Variants in LCP1 observed in about 807,000 individuals in gnomAD.
The protein encoded by LCP1 is plastin-2.
LCP1 carries 23 observed loss-of-function variants against 72.0 expected under a neutral mutation model. That is an observed-to-expected ratio of 0.32 (90% CI 0.23 to 0.45). The LOEUF (loss-of-function observed/expected upper bound fraction) is 0.45. Among genes scored for constraint, LCP1 ranks in the 20% least tolerant of loss-of-function variants. The pLI, the probability that LCP1 is intolerant of heterozygous loss-of-function variation, is 1.00. For missense variants in LCP1, 571 were observed against 748.3 expected (o/e 0.76, Z 2.76); for synonymous variants, 245 against 275.4 (o/e 0.89, Z 1.09).
In LCP1 at chr13:46,132,932, C is replaced by T. The variant is rs1048674113; in HGVS notation, c.1626+1195G>A. 5.9e-5 allele frequency among the ~76,000 whole-genome samples: 9 copies of T among 152,132 alleles called. No homozygotes were observed. The South Asian group carries it at 1.5e-3, about 25-fold the overall frequency. ...CCTCACCAACCCTGTTAATACAACT[C>T]GGAAGGTGTTCCTCCCCCTAATCCT... On this transcript the variant is annotated intron_variant, in intron 14 of 15. Transcript: ENST00000323076.
intron 13 of LCP1, among the ~76,000 whole-genome samples, chr13:46,134,464 G>C (rs760042341): frequency 9.2e-5 from 14 of 151,900 alleles, no homozygotes; most frequent in Non-Finnish European, 2.1e-4. Context: ...GAAATGTAAA[G>C]CAGATACCTC....
chr13:46,171,215 C>T (rs545980020), intron 1 of LCP1, among the ~76,000 whole-genome samples: 1 of 152,318 alleles, frequency 6.6e-6, no homozygotes, highest in South Asian at 2.1e-4. Flanking sequence ...TTTGAGGAAA[C>T]TGAGGTTTAA....
At position 46,126,534 on chromosome 13, in the gene LCP1, A is replaced by T. The variant is rs1031189269; in HGVS notation, c.*1057T>A. The T allele has an allele frequency of 2.2e-5, 5 of 232,290 alleles. No homozygotes were observed. The highest frequency in any genetic ancestry group is 3.4e-5 in the Non-Finnish European group (4 of 117,272). 14.4% of individuals were successfully genotyped at this position (232,290 alleles called of 1,614,324 possible). A position where few individuals can be genotyped will look rare whatever the true frequency, so the allele number is the denominator to read the frequency against. On this transcript the variant is annotated 3_prime_UTR_variant, in exon 16 of 16. Transcript: ENST00000323076. ...CCCCCCTGGAGTTTAGGGGTGGCAG[A>T]AAGCTTTTATAGTACCAAAAAAGTA...
intron 1 of LCP1, among the ~76,000 whole-genome samples, chr13:46,160,966 CCA>C (rs1429801479): frequency 6.6e-6 from 1 of 152,010 alleles, no homozygotes; most frequent in Non-Finnish European, 1.5e-5. Context: ...TTCTTGATGG[CCA>C]CCAACAACCA....
chr13:46,130,784 C>A (rs1480177270), intron 15 of LCP1, 30 bp downstream of exon 15: 1 of 1,612,074 alleles, frequency 6.2e-7, no homozygotes, highest in Non-Finnish European at 8.5e-7. Flanking sequence ...TCCTTCCCTC[C>A]CAATCTGAGG....
At position 46,134,195 on chromosome 13, in the gene LCP1, T is replaced by C. The variant is rs751587269; in HGVS notation, c.1558A>G (p.Ile520Val). 28 of 1,612,998 alleles carry C rather than the reference T, an allele frequency of 1.7e-5. No individual in the cohort carries two copies. Among genetic ancestry groups the C allele is most frequent in the Non-Finnish European group, 2.4e-5 (28 of 1,179,172 alleles). ...GTTTCATTCACCCAGTTGACAATAA[T>C]GTCATCATTGACCTTCTGGCCACCA... ...IGGGQKVNDDIIVNWVNETLR... is the reference protein window; with the variant it reads ...IGGGQKVNDDVIVNWVNETLR... Residue 520 changes from isoleucine (I) to valine (V), a missense_variant, in exon 14 of 16, where the codon ATT (isoleucine) becomes GTT (valine). Physicochemically the swap from Ile to Val is conservative, Grantham distance 29 (BLOSUM62 3). Transcript: ENST00000323076.
chr13:46,178,040 G>A (rs2138290254), intron 1 of LCP1, among the ~76,000 whole-genome samples: 1 of 151,772 alleles, frequency 6.6e-6, no homozygotes, highest in African/African-American at 2.4e-5. Context: ...TTTATTCCAG[G>A]AAGTTGCCTT....
At chr13:46,159,815 T>G (rs1283172372) in intron 1 of LCP1, 129 bp from the exon 2 acceptor site, 2 of 630,558 alleles carry the variant, frequency 3.2e-6, no homozygotes, top group Non-Finnish European at 5.6e-6. Flanking sequence ...TAGAACTATC[T>G]TTCCAAAATG....
At position 46,134,268 on chromosome 13, in the gene LCP1, T is replaced by C; in HGVS notation, c.1503-18A>G. ...GTGTATACCTGAACAAAATAAAGAATGCTTTCTGGAGAACAGTTGCTAAAG... is the reference window on the plus strand; with the variant it reads ...GTGTATACCTGAACAAAATAAAGAACGCTTTCTGGAGAACAGTTGCTAAAG... On this transcript the variant is annotated intron_variant, in intron 13 of 15. Transcript: ENST00000323076. 1.2e-6 allele frequency: 2 copies of C among 1,604,188 alleles called. No individual in the cohort carries two copies. Among genetic ancestry groups the C allele is most frequent in the Non-Finnish European group, 1.7e-6 (2 of 1,175,268 alleles).
intron 1 of LCP1, among the ~76,000 whole-genome samples, chr13:46,176,149 A>G (rs147188596): frequency 1.1e-4 from 16 of 152,362 alleles, no homozygotes; most frequent in Admixed American, 3.3e-4. Context: ...ATAGCACTAT[A>G]GGATAACTAT....
At chr13:46,155,301 C>T (rs1233664956) in intron 5 of LCP1, among the ~76,000 whole-genome samples, 5 of 152,162 alleles carry the variant, frequency 3.3e-5, no homozygotes, top group Admixed American at 1.3e-4. Flanking sequence ...TTCTATTTGA[C>T]ACAGGACCAA....
chr13:46,142,656 A>G, intron 12 of LCP1: 1 of 575,132 alleles, frequency 1.7e-6, no homozygotes, highest in South Asian at 1.7e-5. Context: ...ACTGAAATGA[A>G]TTCATTACTA....
Position 46,152,783 on chromosome 13 carries a change from C to T in LCP1, c.736G>A (p.Glu246Lys). ...LFADIELSRN[E>K]ALIALLREGE... Reference sequence around the variant, plus strand: ...GACCTTTGGGACTTGCTCTTACCTTCATTTCTGCTGAGTTCAATGTCAGCA... The same window carrying T: ...GACCTTTGGGACTTGCTCTTACCTTTATTTCTGCTGAGTTCAATGTCAGCA... Residue 246 changes from glutamate to lysine, a missense_variant, in exon 7 of 16, where the codon GAA becomes AAA. By Grantham distance (56) the Glu-to-Lys change is moderately conservative. Coordinates refer to ENST00000323076, the MANE Select transcript of LCP1 (RefSeq NM_002298.5). 1.2e-6 allele frequency: 2 copies of T among 1,613,204 alleles called. No individual in the cohort carries two copies. The highest frequency in any genetic ancestry group is 1.7e-6 in the Non-Finnish European group (2 of 1,179,768).
At chr13:46,167,138 G>A (rs2045880905) in intron 1 of LCP1, among the ~76,000 whole-genome samples, 1 of 152,122 alleles carries the variant, frequency 6.6e-6, no homozygotes, top group African/African-American at 2.4e-5. Flanking sequence ...CCACAGGGTG[G>A]AAGGTAGGGG....
At chr13:46,146,866 G>A (rs1006865973) in intron 10 of LCP1, 42 bp downstream of exon 10, 2 of 1,585,874 alleles carry the variant, frequency 1.3e-6, no homozygotes, top group Non-Finnish European at 1.7e-6. Flanking sequence ...AATTAGAATT[G>A]TGAGTGCCTT....
intron 1 of LCP1, among the ~76,000 whole-genome samples, chr13:46,163,631 ATT>A (rs1298216847): frequency 7.2e-6 from 1 of 139,302 alleles, no homozygotes; most frequent in African/African-American, 2.7e-5. Context: ...AGAATGATCA[ATT>A]AAAAAAAAAA....
chr13:46,162,877 C>T (rs1456182548), intron 1 of LCP1, among the ~76,000 whole-genome samples: 3 of 150,596 alleles, frequency 2.0e-5, no homozygotes, highest in Non-Finnish European at 4.4e-5. Context: ...ACGGCTGCCC[C>T]GTCTGAGAAG....
intron 1 of LCP1, among the ~76,000 whole-genome samples, chr13:46,173,308 G>A (rs1373290971): frequency 1.3e-5 from 2 of 152,122 alleles, no homozygotes; most frequent in Admixed American, 1.3e-4. Flanking sequence ...CTTTAAAGAA[G>A]GGGTGCTAAT....
At chr13:46,148,276 G>A in intron 9 of LCP1, 76 bp downstream of exon 9, 1 of 1,012,086 alleles carries the variant, frequency 9.9e-7, no homozygotes, top group African/African-American at 1.6e-5. Context: ...CCAGAATCAG[G>A]GCCACACAAG....
Sources: allele counts gnomAD v4.1 joint callset (sites outside exome capture counted in the v4.1 genomes callset), GRCh38; gene constraint gnomAD v4.1.1; transcripts MANE v1.5; gene names NCBI Gene and HGNC (gene_info 2026-07-23, HGNC 2026-07-21).